FAM168A: variants seen among roughly 807,000 people sequenced by gnomAD.
FAM168A encodes the protein protein FAM168A.
FAM168A carries 3 observed loss-of-function variants against 28.5 expected under a neutral mutation model. The observed-to-expected ratio is 0.11, with a 90% CI of 0.05 to 0.27. The LOEUF is 0.27. Ranked by LOEUF, FAM168A falls within the 10% of genes least tolerant of loss-of-function variation. The pLI is 1.00. For synonymous variants in FAM168A, 122 were observed against 124.2 expected (o/e 0.98, Z 0.12); for missense variants, 222 against 311.5 (o/e 0.71, Z 2.16).
rs534415385 is a variant in FAM168A, at chr11:73,475,098, T to C, written c.-18-6606A>G. ...ATGGCTTCCTGCTACCCTCAAAACA[T>C]CTCAACTATTTCTTTCAAAATAACG... On this transcript the variant is annotated intron_variant, in intron 1 of 7. Coordinates refer to ENST00000356467, the MANE Select transcript of FAM168A (RefSeq NM_015159.3). 2.6e-5 allele frequency among the ~76,000 whole-genome samples: 4 copies of C among 152,242 alleles called. No homozygotes were observed. In the East Asian group the frequency reaches 7.7e-4, roughly 29 times the overall value.
intron 1 of FAM168A, among the ~76,000 whole-genome samples, chr11:73,558,644 T>C (rs1380553336): frequency 6.6e-6 from 1 of 150,918 alleles, no homozygotes; most frequent in African/African-American, 2.4e-5. Flanking sequence ...CATGAATAGG[T>C]ATTTCTCTAA....
intron 2 of FAM168A, among the ~76,000 whole-genome samples, chr11:73,434,307 T>C (rs954564670): frequency 6.6e-6 from 1 of 152,130 alleles, no homozygotes; most frequent in Non-Finnish European, 1.5e-5. Context: ...TGGATAAATA[T>C]TAAACATAAA....
intron 1 of FAM168A, among the ~76,000 whole-genome samples, chr11:73,521,620 A>G (rs1943378914): frequency 6.6e-6 from 1 of 152,238 alleles, no homozygotes; most frequent in African/African-American, 2.4e-5. Context: ...AAACAACCAC[A>G]GATTATCTTC....
intron 1 of FAM168A, among the ~76,000 whole-genome samples, chr11:73,479,103 C>T (rs7109183): frequency 0.016 from 2,425 of 152,230 alleles, 64 homozygotes; most frequent in African/African-American, 0.056. Flanking sequence ...CCTTTCCTCT[C>T]CCCTTACTGA....
chr11:73,523,220 C>CT (rs1276713059), intron 1 of FAM168A, among the ~76,000 whole-genome samples: 1 of 152,146 alleles, frequency 6.6e-6, no homozygotes, highest in Non-Finnish European at 1.5e-5. Flanking sequence ...TTCTAAAAAC[C>CT]TTTGGTCCCC....
intron 2 of FAM168A, among the ~76,000 whole-genome samples, chr11:73,458,861 T>C (rs1433293054): frequency 2.2e-4 from 33 of 152,214 alleles, no homozygotes; most frequent in Admixed American, 2.2e-3. Context: ...CCGCCCGCCT[T>C]GGCCTCCCAA....
chr11:73,466,379 T>G (rs1378948591), intron 2 of FAM168A, among the ~76,000 whole-genome samples: 3 of 152,218 alleles, frequency 2.0e-5, no homozygotes, highest in African/African-American at 7.2e-5. Context: ...CACAAAGAAC[T>G]GAGTTCAAAT....
chr11:73,569,555 G>A (rs1416564029), intron 1 of FAM168A, among the ~76,000 whole-genome samples: 1 of 152,200 alleles, frequency 6.6e-6, no homozygotes, highest in African/African-American at 2.4e-5. Context: ...TGGGCATGGT[G>A]GCTCATGCCT....
At chr11:73,472,458 A>T (rs887633104) in intron 1 of FAM168A, among the ~76,000 whole-genome samples, 19 of 152,236 alleles carry the variant, frequency 1.2e-4, no homozygotes, top group Admixed American at 2.0e-4. Flanking sequence ...ATGAAGGCCA[A>T]ATCATGCAGG....
intron 1 of FAM168A, among the ~76,000 whole-genome samples, chr11:73,546,393 A>C (rs1023783585): frequency 2.0e-5 from 3 of 152,218 alleles, no homozygotes; most frequent in African/African-American, 7.2e-5. Flanking sequence ...CAATTTTGAA[A>C]TAAGACAGCT....
At chr11:73,485,955 T>C (rs1228979267) in intron 1 of FAM168A, among the ~76,000 whole-genome samples, 1 of 152,182 alleles carries the variant, frequency 6.6e-6, no homozygotes, top group Non-Finnish European at 1.5e-5. Context: ...CATTTATAAA[T>C]AGGGAAGTTC....
chr11:73,495,246 G>A (rs556653919), intron 1 of FAM168A, among the ~76,000 whole-genome samples: 4 of 151,634 alleles, frequency 2.6e-5, no homozygotes, highest in East Asian at 2.0e-4. Context: ...GGAGAATGGC[G>A]TGAACCCAGG....
At chr11:73,476,689 C>A (rs150614492) in intron 1 of FAM168A, among the ~76,000 whole-genome samples, 321 of 151,314 alleles carry the variant, frequency 2.1e-3, no homozygotes, top group African/African-American at 7.2e-3. Flanking sequence ...TAAAAAAAAA[C>A]TAAAGAAAAC....
intron 1 of FAM168A, among the ~76,000 whole-genome samples, chr11:73,555,434 G>A (rs888720548): frequency 6.6e-6 from 1 of 152,046 alleles, no homozygotes; most frequent in African/African-American, 2.4e-5. Flanking sequence ...AGGCACAAAG[G>A]AAAAATGGGG....
intron 2 of FAM168A, among the ~76,000 whole-genome samples, chr11:73,441,560 C>T (rs1328684684): frequency 2.0e-5 from 3 of 152,196 alleles, no homozygotes; most frequent in African/African-American, 7.2e-5. Context: ...GTTCCTTTAT[C>T]TTCCATTTTT....
chr11:73,483,979 C>A (rs576452147), intron 1 of FAM168A, among the ~76,000 whole-genome samples: 9 of 152,286 alleles, frequency 5.9e-5, no homozygotes, highest in Non-Finnish European at 1.2e-4. Flanking sequence ...TGTAATAATT[C>A]AGAGCCAAAC....
At chr11:73,416,360 G>A (rs918126470) in intron 4 of FAM168A, among the ~76,000 whole-genome samples, 7 of 152,064 alleles carry the variant, frequency 4.6e-5, no homozygotes, top group African/African-American at 1.4e-4. Flanking sequence ...CTTGCATCAC[G>A]GATGCCTTTT....
chr11:73,407,392 T>G, intron 7 of FAM168A, 121 bp downstream of exon 7: 1 of 568,242 alleles, frequency 1.8e-6, no homozygotes, highest in Non-Finnish European at 3.0e-6. Flanking sequence ...GGAAAGCAAC[T>G]GGTAACTTGA....
intron 1 of FAM168A, among the ~76,000 whole-genome samples, chr11:73,527,039 T>C (rs1376659215): frequency 6.6e-6 from 1 of 152,134 alleles, no homozygotes; most frequent in Non-Finnish European, 1.5e-5. Context: ...AGCCCTCCTT[T>C]GTGGTTTGGT....
Sources: gnomAD v4.1 joint callset for allele counts (sites outside exome capture counted in the v4.1 genomes callset) on GRCh38, gnomAD v4.1.1 for gene constraint, MANE v1.5 for transcripts, NCBI Gene and HGNC (gene_info 2026-07-23, HGNC 2026-07-21) for gene names.